Variants in DLGAP3 observed in about 807,000 individuals in gnomAD.
The protein encoded by DLGAP3 is DLG associated protein 3, also known as disks large-associated protein 3.
DLGAP3 carries 17 observed loss-of-function variants against 81.2 expected under a neutral mutation model. The observed-to-expected ratio is 0.21, with a 90% CI of 0.14 to 0.31. The LOEUF (loss-of-function observed/expected upper bound fraction) is 0.31. Ranked by LOEUF, DLGAP3 falls within the 10% of genes least tolerant of loss-of-function variation. The pLI, the probability that DLGAP3 is intolerant of heterozygous loss-of-function variation, is 1.00. For missense variants in DLGAP3, 1,124 were observed against 1,388.0 expected (o/e 0.81, Z 3.02); for synonymous variants, 577 against 587.4 (o/e 0.98, Z 0.26).
intron 6 of DLGAP3, 84 bp from the exon 7 acceptor site, chr1:34,885,875 A>C: frequency 2.4e-6 from 3 of 1,236,504 alleles, no homozygotes; most frequent in Admixed American, 3.0e-5. Context: ...TCCCACCCTC[A>C]AGAGGCCCTA....
intron 8 of DLGAP3, among the ~76,000 whole-genome samples, chr1:34,871,780 C>A (rs1638983937): frequency 1.3e-5 from 2 of 152,180 alleles, no homozygotes; most frequent in Non-Finnish European, 2.9e-5. Flanking sequence ...GAGAGGATCC[C>A]ATTCCATCGC....
Position 34,900,308 on chromosome 1 carries a change from A to T in DLGAP3, c.1108-35T>A, listed in dbSNP as rs923825753. 1.2e-6 allele frequency: 2 copies of T among 1,601,828 alleles called. No individual in the cohort carries two copies. The highest frequency in any genetic ancestry group is 8.5e-7 in the Non-Finnish European group (1 of 1,170,722). ...CAGGGGTCTCTGTCTCTCAGACATG[A>T]CCCTAGTAAATCTAGAGGCCAGGAC... On this transcript the variant is annotated intron_variant, in intron 3 of 11. Coordinates refer to ENST00000373347, the MANE Select transcript of DLGAP3 (RefSeq NM_001080418.3). The surrounding 1 kb of genome is among the most constrained non-coding windows in gnomAD (Gnocchi z 5.6).
In DLGAP3 at chr1:34,905,257, T is replaced by C. The variant is rs952820030; in HGVS notation, c.127A>G (p.Thr43Ala). ...CTCGGGGCACAGAAGCGGGGCTCGG[T>C]GGAGAAGGCCTCCCTGGAGCCCAGC... Reference protein sequence around the residue: ...YLLGSREAFSTEPRFCAPRAG... With the variant: ...YLLGSREAFSAEPRFCAPRAG... The change falls in exon 3 of 12, where the codon ACC (threonine) becomes GCC (alanine). Residue 43 changes from threonine to alanine, a missense_variant. Coordinates refer to ENST00000373347, the MANE Select transcript of DLGAP3 (RefSeq NM_001080418.3). 11 of 1,569,254 alleles carry C rather than the reference T, an allele frequency of 7.0e-6. No homozygotes were observed. Among genetic ancestry groups the C allele is most frequent in the African/African-American group, 4.1e-5 (3 of 73,406 alleles).
intron 8 of DLGAP3, among the ~76,000 whole-genome samples, chr1:34,874,280 A>T (rs1468237176): frequency 6.6e-6 from 1 of 152,192 alleles, no homozygotes; most frequent in South Asian, 2.1e-4. Context: ...ATTTCCTCTA[A>T]GTAAGAGAGA....
intron 1 of DLGAP3, among the ~76,000 whole-genome samples, chr1:34,918,301 T>G (rs1368391241): frequency 2.0e-5 from 3 of 152,134 alleles, no homozygotes; most frequent in African/African-American, 7.2e-5. Flanking sequence ...CACCTCGAGG[T>G]GTGCCCTGGG....
In DLGAP3 at chr1:34,868,079, C is replaced by T. The variant is rs971546083; in HGVS notation, c.2486-452G>A. On this transcript the variant is annotated intron_variant, in intron 9 of 11. Coordinates refer to ENST00000373347, the MANE Select transcript of DLGAP3 (RefSeq NM_001080418.3). The surrounding 1 kb of genome is among the most constrained non-coding windows in gnomAD (Gnocchi z 7.5). ...AACACATCTTCATAGCCACTGTCCCCTCAACTCAGAGATTCTGGGGTAAGA... is the reference window on the plus strand; with the variant it reads ...AACACATCTTCATAGCCACTGTCCCTTCAACTCAGAGATTCTGGGGTAAGA... 3.9e-5 allele frequency among the ~76,000 whole-genome samples: 6 copies of T among 152,222 alleles called. No individual in the cohort carries two copies. The highest frequency in any genetic ancestry group is 8.8e-5 in the Non-Finnish European group (6 of 68,042).
intron 1 of DLGAP3, among the ~76,000 whole-genome samples, chr1:34,928,204 G>A (rs1197539415): frequency 2.6e-5 from 4 of 152,104 alleles, no homozygotes; most frequent in Non-Finnish European, 5.9e-5. Flanking sequence ...CCAGTGGACT[G>A]AACCAATAAC....
chr1:34,865,970 G>C lies in DLGAP3; in HGVS notation c.*113C>G, dbSNP rs374940478. Reference sequence around the variant, plus strand: ...ACGGGCCCGGGGGCCGGGGCGTCCGGTGCCGGTGGGGCGGGCGCACGGGGC... The same window carrying C: ...ACGGGCCCGGGGGCCGGGGCGTCCGCTGCCGGTGGGGCGGGCGCACGGGGC... On this transcript the variant is annotated 3_prime_UTR_variant, in exon 12 of 12. Coordinates refer to ENST00000373347, the MANE Select transcript of DLGAP3 (RefSeq NM_001080418.3). The C allele has an allele frequency of 6.3e-6, 6 of 946,358 alleles. No homozygotes were observed. The African/African-American group carries it at 1.0e-4, about 16-fold the overall frequency. The allele number at this position is 946,358 out of a possible 1,614,324, so 58.6% of individuals were successfully genotyped here. A position where few individuals can be genotyped will look rare whatever the true frequency, so the allele number is the denominator to read the frequency against.
At chr1:34,866,720 G>A (rs1041468750) in intron 11 of DLGAP3, among the ~76,000 whole-genome samples, 4 of 151,934 alleles carry the variant, frequency 2.6e-5, no homozygotes, top group African/African-American at 9.7e-5. Context: ...GCCTAGGCCC[G>A]AACTGAGGAC....
chr1:34,908,619 T>C (rs1639594123), intron 1 of DLGAP3, among the ~76,000 whole-genome samples: 2 of 152,184 alleles, frequency 1.3e-5, no homozygotes. Context: ...GAAGAAGAGC[T>C]AGCTTTGCAA....
chr1:34,903,083 C>T (rs1639487250), intron 3 of DLGAP3, among the ~76,000 whole-genome samples: 2 of 152,204 alleles, frequency 1.3e-5, no homozygotes, highest in African/African-American at 4.8e-5. Flanking sequence ...CCAGCAAGGC[C>T]AATGCCCCAC....
intron 5 of DLGAP3, among the ~76,000 whole-genome samples, chr1:34,892,017 T>C (rs941994800): frequency 2.0e-5 from 3 of 152,238 alleles, no homozygotes; most frequent in Non-Finnish European, 4.4e-5. Flanking sequence ...CAAGAAGGTA[T>C]GCATATCCCC....
rs371693637 is a variant in DLGAP3, at chr1:34,898,549, G to A, written c.1386+1120C>T. On this transcript the variant is annotated intron_variant, in intron 5 of 11. Transcript: ENST00000373347. Reference sequence around the variant, plus strand: ...AGGAATACTGAGAGACTGCAGCAGTGAACAATGAGAGCCAACGTGGACAGT... The same window carrying A: ...AGGAATACTGAGAGACTGCAGCAGTAAACAATGAGAGCCAACGTGGACAGT... 6.6e-5 allele frequency among the ~76,000 whole-genome samples: 10 copies of A among 152,238 alleles called. No homozygotes were observed. The East Asian group carries it at 1.9e-3, about 29-fold the overall frequency.
At chr1:34,925,111 C>A (rs545508278) in intron 1 of DLGAP3, among the ~76,000 whole-genome samples, 2 of 152,046 alleles carry the variant, frequency 1.3e-5, no homozygotes, top group Non-Finnish European at 1.5e-5. Context: ...CCACCACACA[C>A]CCCCTTTAGA....
intron 11 of DLGAP3, 97 bp from the exon 12 acceptor site, chr1:34,866,398 C>T: frequency 1.9e-6 from 2 of 1,040,398 alleles, no homozygotes; most frequent in Admixed American, 5.8e-5. Context: ...CTGACGACCG[C>T]GTGGCTCCGA....
rs747489935 is a variant in DLGAP3, at chr1:34,904,648, C to T, written c.736G>A (p.Asp246Asn). ...SRHGKRSKSK[D>N]RKGDGRHQAK... ...TGGTGCCGCCCATCCCCCTTGCGGT[C>T]CTTGCTCTTGCTCCTCTTGCCGTGC... Residue 246 changes from aspartate (D) to asparagine (N), a missense_variant, in exon 3 of 12, where the codon GAC becomes AAC. By Grantham distance (23) the Asp-to-Asn change is conservative (BLOSUM62 1). Transcript: ENST00000373347. This position sits in a 1 kb window ranked among gnomAD's most constrained non-coding sequence, Gnocchi z 8.1. 6 of 1,614,204 alleles carry T rather than the reference C, an allele frequency of 3.7e-6. No individual in the cohort carries two copies. Among genetic ancestry groups the T allele is most frequent in the Admixed American group, 1.7e-5 (1 of 60,036 alleles).
At chr1:34,920,896 C>A (rs1639786652) in intron 1 of DLGAP3, among the ~76,000 whole-genome samples, 1 of 152,002 alleles carries the variant, frequency 6.6e-6, no homozygotes, top group Admixed American at 6.5e-5. Flanking sequence ...GTGGCAAGTA[C>A]TGAGATAAAT....
intron 8 of DLGAP3, among the ~76,000 whole-genome samples, chr1:34,871,439 T>TC (rs1638979576): frequency 6.6e-6 from 1 of 152,128 alleles, no homozygotes; most frequent in African/African-American, 2.4e-5. Context: ...GTACCACACC[T>TC]CCCTCAGCAG....
At chr1:34,875,875 A>G (rs769958956) in intron 8 of DLGAP3, among the ~76,000 whole-genome samples, 1 of 152,108 alleles carries the variant, frequency 6.6e-6, no homozygotes, top group Non-Finnish European at 1.5e-5. Flanking sequence ...CATCCTTCGG[A>G]TCTCCACCCA....
Sources: gnomAD v4.1 joint callset for allele counts (sites outside exome capture counted in the v4.1 genomes callset) on GRCh38, gnomAD v4.1.1 for gene constraint, Gnocchi (gnomAD v3.1) non-coding constraint, MANE v1.5 for transcripts, NCBI Gene and HGNC (gene_info 2026-07-23, HGNC 2026-07-21) for gene names.